Variants in CTNNA3 observed in about 807,000 individuals in gnomAD.
The protein encoded by CTNNA3 is catenin alpha-3.
Under a neutral mutation model 95.7 loss-of-function variants are expected in CTNNA3, and 76 were observed. The observed-to-expected ratio is 0.79, with a 90% CI of 0.66 to 0.96. The LOEUF is 0.96. Ranked by LOEUF, CTNNA3 falls within the 40% of genes least tolerant of loss-of-function variation. The pLI is 0.00. For missense variants in CTNNA3, 1,191 were observed against 1,089.8 expected (o/e 1.09, Z -1.31); for synonymous variants, 431 against 374.4 (o/e 1.15, Z -1.74).
chr10:67,412,108 C>A (rs1314173488), intron 5 of CTNNA3, among the ~76,000 whole-genome samples: 1 of 152,018 alleles, frequency 6.6e-6, no homozygotes, highest in African/African-American at 2.4e-5. Context: ...TGGAAGGGCA[C>A]AAAGTACACT....
chr10:66,873,445 AT>A (rs1844492262), intron 7 of CTNNA3, among the ~76,000 whole-genome samples: 2 of 150,196 alleles, frequency 1.3e-5, no homozygotes, highest in African/African-American at 4.9e-5. Context: ...TGTGGTTTTG[AT>A]TTGCATTTCT....
At chr10:66,831,049 C>T (rs1842704174) in intron 7 of CTNNA3, among the ~76,000 whole-genome samples, 1 of 152,130 alleles carries the variant, frequency 6.6e-6, no homozygotes, top group Non-Finnish European at 1.5e-5. Flanking sequence ...GATTCCAAAG[C>T]TTTACTCCCA....
chr10:67,442,767 C>T (rs893760951), intron 5 of CTNNA3, among the ~76,000 whole-genome samples: 2 of 151,908 alleles, frequency 1.3e-5, no homozygotes, highest in African/African-American at 4.8e-5. Context: ...ATAATAACAA[C>T]TAGAGACTTT....
chr10:67,204,904 T>C (rs1863822231), intron 6 of CTNNA3, among the ~76,000 whole-genome samples: 1 of 152,152 alleles, frequency 6.6e-6, no homozygotes, highest in African/African-American at 2.4e-5. Context: ...TCCTCAGAAA[T>C]GTAAAAACCT....
rs77431682 is a variant in CTNNA3 at position 67,386,165 on chromosome 10, T to A, written c.579+135677A>T. ...TTAGGTATAGGGTTAGACCTGATTC[T>A]GAATTCTTTACATTGCCATGCACCA... On this transcript the variant is annotated intron_variant, in intron 5 of 17. Coordinates refer to ENST00000433211, the MANE Select transcript of CTNNA3 (RefSeq NM_013266.4). 3.9e-5 allele frequency among the ~76,000 whole-genome samples: 6 copies of A among 152,352 alleles called. No individual in the cohort carries two copies. The East Asian group carries it at 1.2e-3, about 29-fold the overall frequency.
intron 13 of CTNNA3, among the ~76,000 whole-genome samples, chr10:66,242,994 C>T (rs1378363992): frequency 2.0e-5 from 3 of 152,160 alleles, no homozygotes; most frequent in Non-Finnish European, 4.4e-5. Context: ...ATCTCCCTTT[C>T]AGCCAATGAT....
In CTNNA3 at chr10:66,273,114, A is replaced by C. The variant is rs577441133; in HGVS notation, c.1884+7356T>G. Among the ~76,000 whole-genome samples, 153 of 152,238 alleles carry C rather than the reference A, an allele frequency of 1.0e-3. 1 individual carries two copies. The highest frequency in any genetic ancestry group is 2.9e-3 in the South Asian group (14 of 4,824). On this transcript the variant is annotated intron_variant, in intron 13 of 17. Transcript: ENST00000433211. ...GGCATATGATTTTTTTTCTTTCCTTAATAAGTCAAGAACTTTCACCTTTTC... is the reference window on the plus strand; with the variant it reads ...GGCATATGATTTTTTTTCTTTCCTTCATAAGTCAAGAACTTTCACCTTTTC...
At chr10:67,050,655 C>T (rs1855031956) in intron 7 of CTNNA3, among the ~76,000 whole-genome samples, 1 of 152,146 alleles carries the variant, frequency 6.6e-6, no homozygotes, top group East Asian at 1.9e-4. Flanking sequence ...AGACTCGTGT[C>T]CTGCATGGAA....
At chr10:67,081,745 C>A (rs933881430) in intron 7 of CTNNA3, among the ~76,000 whole-genome samples, 7 of 152,178 alleles carry the variant, frequency 4.6e-5, no homozygotes, top group Admixed American at 3.9e-4. Flanking sequence ...CTAGAACAGT[C>A]TTCCTACTTT....
intron 7 of CTNNA3, among the ~76,000 whole-genome samples, chr10:66,822,324 G>A (rs187439157): frequency 1.1e-3 from 168 of 152,130 alleles, no homozygotes; most frequent in Middle Eastern, 6.8e-3. Context: ...TTCTTAACTG[G>A]AGTTAGAACG....
chr10:67,471,083 C>T (rs911020756), intron 5 of CTNNA3, among the ~76,000 whole-genome samples: 22 of 152,126 alleles, frequency 1.4e-4, no homozygotes, highest in African/African-American at 4.8e-4. Context: ...TCCCAAAGCA[C>T]GGGGGGGTGG....
At chr10:67,699,704 C>T (rs540606822), upstream of CTNNA3, among the ~76,000 whole-genome samples, 132 of 152,318 alleles carry the variant, frequency 8.7e-4, no homozygotes, top group South Asian at 1.5e-3. Flanking sequence ...ACGCAGAAGA[C>T]GGGTGATTTC....
At chr10:67,539,440 G>C (rs1451415689) in intron 4 of CTNNA3, 63 bp downstream of exon 4, 1 of 1,572,654 alleles carries the variant, frequency 6.4e-7, no homozygotes, top group Non-Finnish European at 8.7e-7. Flanking sequence ...TCGACGCCAG[G>C]TTCAGAGAAT....
chr10:67,581,427 T>A (rs941619647), intron 3 of CTNNA3, among the ~76,000 whole-genome samples: 22 of 152,208 alleles, frequency 1.4e-4, no homozygotes, highest in South Asian at 4.1e-4. Context: ...TCACGGTGGA[T>A]AAGCTTTTTG....
chr10:66,827,278 A>G (rs565757972), intron 7 of CTNNA3, among the ~76,000 whole-genome samples: 1 of 152,218 alleles, frequency 6.6e-6, no homozygotes, highest in East Asian at 1.9e-4. Flanking sequence ...ATGCTGCTTC[A>G]TCAAACACCA....
chr10:66,278,140 A>G (rs1019699971), intron 13 of CTNNA3, among the ~76,000 whole-genome samples: 2 of 149,022 alleles, frequency 1.3e-5, no homozygotes, highest in Admixed American at 6.9e-5. Flanking sequence ...GGACTTAAAA[A>G]CAAGAACAGA....
At chr10:66,049,988 A>AC (rs1183635536) in intron 15 of CTNNA3, among the ~76,000 whole-genome samples, 1 of 152,180 alleles carries the variant, frequency 6.6e-6, no homozygotes, top group Non-Finnish European at 1.5e-5. Flanking sequence ...CCACACACAC[A>AC]AAAAAGAGAG....
intron 7 of CTNNA3, among the ~76,000 whole-genome samples, chr10:66,802,934 C>T (rs919879588): frequency 6.6e-6 from 1 of 151,756 alleles, no homozygotes; most frequent in Non-Finnish European, 1.5e-5. Context: ...GAAATCTGAA[C>T]CTTGATCATC....
chr10:67,144,042 T>C (rs1860725069), intron 7 of CTNNA3, among the ~76,000 whole-genome samples: 1 of 152,230 alleles, frequency 6.6e-6, no homozygotes. Context: ...CCTTGACCCA[T>C]GGGCTATAGA....
Sources: gnomAD v4.1 joint callset for allele counts (sites outside exome capture counted in the v4.1 genomes callset) on GRCh38, gnomAD v4.1.1 for gene constraint, MANE v1.5 for transcripts, NCBI Gene and HGNC (gene_info 2026-07-23, HGNC 2026-07-21) for gene names.